Variants in LRRC4C observed in about 807,000 individuals in gnomAD.
LRRC4C encodes leucine rich repeat containing 4C.
Under a neutral mutation model 33.6 loss-of-function variants are expected in LRRC4C, and 5 were observed. The ratio of observed to expected loss-of-function variants is 0.15; its 90% CI spans 0.08 to 0.31. The LOEUF (loss-of-function observed/expected upper bound fraction) is 0.31. Ranked by LOEUF, LRRC4C falls within the 10% of genes least tolerant of loss-of-function variation. LRRC4C has a pLI of 1.00. For missense variants in LRRC4C, 560 were observed against 796.7 expected (o/e 0.70, Z 3.58); for synonymous variants, 329 against 302.0 (o/e 1.09, Z -0.93).
chr11:40,159,872 A>G (rs72885392), intron 5 of LRRC4C, among the ~76,000 whole-genome samples: 5 of 152,260 alleles, frequency 3.3e-5, no homozygotes, highest in Non-Finnish European at 7.4e-5. Flanking sequence ...ATACTATATA[A>G]CTTGTTCATT....
chr11:40,808,768 C>T (rs1261158418), intron 2 of LRRC4C, among the ~76,000 whole-genome samples: 1 of 152,152 alleles, frequency 6.6e-6, no homozygotes, highest in African/African-American at 2.4e-5. Flanking sequence ...AAGTCTCTTT[C>T]TTCAGCATCT....
Position 41,263,808 on chromosome 11 carries a change from A to G in LRRC4C, c.-496+195623T>C, listed in dbSNP as rs986975227. Among the ~76,000 whole-genome samples, 7 of 152,124 alleles carry G rather than the reference A, an allele frequency of 4.6e-5. No individual in the cohort carries two copies. In the East Asian group the frequency reaches 1.4e-3, roughly 29 times the overall value. ...TAGAAACTCAAAACATATTCAATGCATAAAAAAACAAGTAACTGTATCATT... is the reference window on the plus strand; with the variant it reads ...TAGAAACTCAAAACATATTCAATGCGTAAAAAAACAAGTAACTGTATCATT... On this transcript the variant is annotated intron_variant, in intron 1 of 6. Transcript: ENST00000528697.
chr11:41,080,598 C>T (rs368878621), intron 1 of LRRC4C, among the ~76,000 whole-genome samples: 2 of 152,122 alleles, frequency 1.3e-5, no homozygotes, highest in African/African-American at 2.4e-5. Context: ...GGTGGTTTGC[C>T]AGCCTCAGCC....
At chr11:41,318,826 CAGTT>C (rs1339020522) in intron 1 of LRRC4C, among the ~76,000 whole-genome samples, 3 of 152,170 alleles carry the variant, frequency 2.0e-5, no homozygotes, top group Non-Finnish European at 2.9e-5. Context: ...GGTGAGATTG[CAGTT>C]AGTTTGTGTT....
intron 3 of LRRC4C, among the ~76,000 whole-genome samples, chr11:40,345,696 A>G (rs2137044396): frequency 6.6e-6 from 1 of 152,340 alleles, no homozygotes; most frequent in East Asian, 1.9e-4. Context: ...AAAATTACCA[A>G]GTGGGACCTA....
At chr11:40,399,448 C>T (rs1197290594) in intron 3 of LRRC4C, among the ~76,000 whole-genome samples, 1 of 151,912 alleles carries the variant, frequency 6.6e-6, no homozygotes, top group Non-Finnish European at 1.5e-5. Flanking sequence ...AAACCAAACA[C>T]CGCATGTTCT....
At chr11:40,917,044 A>C (rs1431455241) in intron 2 of LRRC4C, among the ~76,000 whole-genome samples, 1 of 152,196 alleles carries the variant, frequency 6.6e-6, no homozygotes, top group Non-Finnish European at 1.5e-5. Context: ...TACATATACA[A>C]TCACAAACTT....
chr11:40,204,707 C>A (rs960750705), intron 5 of LRRC4C, among the ~76,000 whole-genome samples: 2 of 152,184 alleles, frequency 1.3e-5, no homozygotes, highest in Admixed American at 6.5e-5. Flanking sequence ...AACCTCCAGG[C>A]CTTTTTCCCG....
At chr11:40,906,223 A>G (rs1261705754) in intron 2 of LRRC4C, among the ~76,000 whole-genome samples, 1 of 152,196 alleles carries the variant, frequency 6.6e-6, no homozygotes, top group East Asian at 1.9e-4. Flanking sequence ...TAAAAACTAC[A>G]GTATAGGCCA....
intron 2 of LRRC4C, among the ~76,000 whole-genome samples, chr11:40,855,090 A>G (rs765699428): frequency 1.3e-5 from 2 of 152,188 alleles, no homozygotes; most frequent in Non-Finnish European, 2.9e-5. Flanking sequence ...AATAAAACCC[A>G]TAATCCAAAA....
chr11:41,372,654 T>A (rs1245729310), intron 1 of LRRC4C, among the ~76,000 whole-genome samples: 1 of 152,094 alleles, frequency 6.6e-6, no homozygotes, highest in Non-Finnish European at 1.5e-5. Context: ...CCTAACCCCA[T>A]CTCTGATTCC....
At chr11:41,321,583 CT>C (rs1228770703) in intron 1 of LRRC4C, among the ~76,000 whole-genome samples, 2 of 152,140 alleles carry the variant, frequency 1.3e-5, no homozygotes, top group African/African-American at 4.8e-5. Context: ...TTTTAATGAT[CT>C]TGTGCCAGCC....
chr11:41,266,207 C>T (rs926214987), intron 1 of LRRC4C, among the ~76,000 whole-genome samples: 2 of 152,046 alleles, frequency 1.3e-5, no homozygotes. Flanking sequence ...GAAATTTGAT[C>T]AAATAAGATA....
At chr11:40,854,198 C>T (rs1415677460) in intron 2 of LRRC4C, among the ~76,000 whole-genome samples, 1 of 152,060 alleles carries the variant, frequency 6.6e-6, no homozygotes, top group East Asian at 1.9e-4. Flanking sequence ...GAAATCACTC[C>T]CACCATGGTT....
At chr11:41,059,819 G>C (rs764116395) in intron 1 of LRRC4C, among the ~76,000 whole-genome samples, 1 of 152,104 alleles carries the variant, frequency 6.6e-6, no homozygotes, top group Non-Finnish European at 1.5e-5. Context: ...GAGGTCAGGA[G>C]TTTCAGACCA....
chr11:40,375,940 A>T (rs1380512611), intron 3 of LRRC4C, among the ~76,000 whole-genome samples: 1 of 152,124 alleles, frequency 6.6e-6, no homozygotes, highest in Non-Finnish European at 1.5e-5. Flanking sequence ...GGGATAATAC[A>T]AGTAATTAAC....
At chr11:40,873,531 G>A (rs1220410516) in intron 2 of LRRC4C, among the ~76,000 whole-genome samples, 1 of 152,148 alleles carries the variant, frequency 6.6e-6, no homozygotes, top group Non-Finnish European at 1.5e-5. Flanking sequence ...CTCAGTTACT[G>A]TAAGGGGTAA....
intron 4 of LRRC4C, among the ~76,000 whole-genome samples, chr11:40,264,333 A>C: frequency 6.6e-6 from 1 of 152,278 alleles, no homozygotes; most frequent in South Asian, 2.1e-4. Context: ...TGCTGGGTTA[A>C]AAAAAATTTT....
intron 2 of LRRC4C, among the ~76,000 whole-genome samples, chr11:40,854,697 C>T (rs1953689905): frequency 6.6e-6 from 1 of 150,808 alleles, no homozygotes; most frequent in African/African-American, 2.4e-5. Flanking sequence ...TAATTAAACA[C>T]AAATATATTT....
Sources: allele counts gnomAD v4.1 joint callset (sites outside exome capture counted in the v4.1 genomes callset), GRCh38; gene constraint gnomAD v4.1.1; transcripts MANE v1.5; gene names NCBI Gene and HGNC (gene_info 2026-07-23, HGNC 2026-07-21).